RLBP1: variants seen among roughly 807,000 people sequenced by gnomAD.
RLBP1 encodes the protein retinaldehyde-binding protein 1.
A neutral mutation model predicts 36.2 loss-of-function variants in RLBP1; 26 were observed. The observed-to-expected ratio is 0.72, with a 90% CI of 0.53 to 1.00. The LOEUF (loss-of-function observed/expected upper bound fraction) is 1.00, where lower values mean the gene tolerates loss of function less well. RLBP1 is among the 50% of genes least tolerant of loss of function. The pLI is 0.00. For synonymous variants in RLBP1, 155 were observed against 156.2 expected (o/e 0.99, Z 0.06); for missense variants, 410 against 402.4 (o/e 1.02, Z -0.16).
At chr15:89,221,070 C>A (rs568691597) in intron 1 of RLBP1, among the ~76,000 whole-genome samples, 2 of 141,640 alleles carry the variant, frequency 1.4e-5, no homozygotes, top group East Asian at 2.1e-4. Flanking sequence ...TGCAATGGTG[C>A]GATCTCAGCT....
rs2051535959 is a variant in RLBP1, at chr15:89,211,264, C to A, written c.685-455G>T. 6.6e-6 allele frequency among the ~76,000 whole-genome samples: 1 copy of A among 152,046 alleles called. No homozygotes were observed. The highest frequency in any genetic ancestry group is 2.1e-4 in the South Asian group (1 of 4,816). The stretch of plus-strand genomic sequence containing the variant: ...AATACACAGAGCAGATCTAAGATGG[C>A]TCTAAGAAAGGACTCCTGACATGTC... On this transcript the variant is annotated intron_variant, in intron 7 of 8. Coordinates refer to ENST00000268125, the MANE Select transcript of RLBP1 (RefSeq NM_000326.5). The surrounding 1 kb of genome is among the most constrained non-coding windows in gnomAD (Gnocchi z 5.8).
chr15:89,213,117 A>C (rs978578288), intron 6 of RLBP1, among the ~76,000 whole-genome samples: 11 of 152,222 alleles, frequency 7.2e-5, no homozygotes, highest in Non-Finnish European at 1.5e-5. Flanking sequence ...TAATACACAC[A>C]GATAGGCAGG....
Position 89,218,656 on chromosome 15 carries a change from T to A in RLBP1, c.50A>T (p.Glu17Val). ...TFRMVPEEEQ[E>V]LRAQLEQLTT... ...GAGCTGCTCCAGTTGGGCACGGAGCTCCTGTTCCTCTTCAGGTACCATGCG... is the reference window on the plus strand; with the variant it reads ...GAGCTGCTCCAGTTGGGCACGGAGCACCTGTTCCTCTTCAGGTACCATGCG... Residue 17 changes from glutamate (E) to valine (V), a missense_variant, in exon 4 of 9, where the codon GAG becomes GTG. By Grantham distance (121) the Glu-to-Val change is moderately radical. Coordinates refer to ENST00000268125, the MANE Select transcript of RLBP1 (RefSeq NM_000326.5). This position sits in a 1 kb window ranked among gnomAD's most constrained non-coding sequence, Gnocchi z 4.6. The A allele has an allele frequency of 2.5e-6, 4 of 1,614,194 alleles. No individual in the cohort carries two copies. The highest frequency in any genetic ancestry group is 3.4e-6 in the Non-Finnish European group (4 of 1,180,046).
rs896116625 is a variant in RLBP1, at chr15:89,211,428, G to A, written c.684+315C>T. On this transcript the variant is annotated intron_variant, in intron 7 of 8. Transcript: ENST00000268125. The surrounding 1 kb of genome is among the most constrained non-coding windows in gnomAD (Gnocchi z 5.8). ...GTCAGAAGATGCAGGTTCAAGTCTG[G>A]CCTCTGCCGCTTTATTGCTGTGTGA... Among the ~76,000 whole-genome samples, 18 of 152,232 alleles carry A rather than the reference G, an allele frequency of 1.2e-4. No homozygotes were observed. The highest frequency in any genetic ancestry group is 4.3e-4 in the African/African-American group (18 of 41,460).
chr15:89,220,424 G>A (rs2051616798), intron 1 of RLBP1, among the ~76,000 whole-genome samples: 1 of 152,156 alleles, frequency 6.6e-6, no homozygotes, highest in Non-Finnish European at 1.5e-5. Flanking sequence ...CTGTTCTAAA[G>A]CATAGTTCCC....
intron 1 of RLBP1, among the ~76,000 whole-genome samples, chr15:89,220,532 C>T (rs1312856261): frequency 6.6e-6 from 1 of 152,198 alleles, no homozygotes; most frequent in Admixed American, 6.5e-5. Flanking sequence ...ATTTCCTGCT[C>T]TTTCCACTCC....
In RLBP1 at chr15:89,214,248, C is replaced by G. The variant is rs1444314155; in HGVS notation, c.525+812G>C. Among the ~76,000 whole-genome samples, 3 of 151,990 alleles carry G rather than the reference C, an allele frequency of 2.0e-5. No individual in the cohort carries two copies. The highest frequency in any genetic ancestry group is 4.4e-5 in the Non-Finnish European group (3 of 67,996). ...GGCCGAGGTGGGCGGATCACTTGAG[C>G]TCAGGAGTTTGAGACCAGCCTGGCC... On this transcript the variant is annotated intron_variant, in intron 6 of 8. Coordinates refer to ENST00000268125, the MANE Select transcript of RLBP1 (RefSeq NM_000326.5). This position sits in a 1 kb window ranked among gnomAD's most constrained non-coding sequence, Gnocchi z 4.6.
At chr15:89,221,003 CTTTTT>C (rs562626834) in intron 1 of RLBP1, among the ~76,000 whole-genome samples, 3 of 129,280 alleles carry the variant, frequency 2.3e-5, no homozygotes, top group East Asian at 2.3e-4. Flanking sequence ...TAAATGTGAA[CTTTTT>C]TTTTTTTTTT....
rs771231037 is a variant in RLBP1, at chr15:89,217,205, C to T, written c.261G>A (p.Arg87=). 1.2e-6 allele frequency: 2 copies of T among 1,613,658 alleles called. No individual in the cohort carries two copies. The highest frequency in any genetic ancestry group is 1.7e-6 in the Non-Finnish European group (2 of 1,180,018). ...AGAAGCCGCTGTCCTTCTCTTGCAC[C>T]CTCTCCGCCACGGCCACCGCCAGCT... ...GEELAVAVAE[R]VQEKDSGFFL... The change falls in exon 5 of 9, where the codon AGG becomes AGA. Residue 87 remains arginine, a synonymous_variant. Coordinates refer to ENST00000268125, the MANE Select transcript of RLBP1 (RefSeq NM_000326.5).
chr15:89,210,934 A>G lies in RLBP1; in HGVS notation c.685-125T>C. On this transcript the variant is annotated intron_variant, in intron 7 of 8. Coordinates refer to ENST00000268125, the MANE Select transcript of RLBP1 (RefSeq NM_000326.5). This position sits in a 1 kb window ranked among gnomAD's most constrained non-coding sequence, Gnocchi z 4.7. ...GTCCAGCATCACAGGGCTGCCCTGG[A>G]GAAGGGCCCACTGAAGGTCCTATTT... 1 of 665,678 alleles carries G rather than the reference A, an allele frequency of 1.5e-6. No individual in the cohort carries two copies. The highest frequency in any genetic ancestry group is 2.7e-6 in the Non-Finnish European group (1 of 370,022). The allele number at this position is 665,678 out of a possible 1,614,324, so 41.2% of individuals were successfully genotyped here. A position where few individuals can be genotyped will look rare whatever the true frequency, so the allele number is the denominator to read the frequency against.
chr15:89,211,914 G>C lies in RLBP1; in HGVS notation c.526-13C>G. 1 of 1,614,040 alleles carries C rather than the reference G, an allele frequency of 6.2e-7. No homozygotes were observed. The highest frequency in any genetic ancestry group is 8.5e-7 in the Non-Finnish European group (1 of 1,179,982). On this transcript the variant is annotated splice_polypyrimidine_tract_variant and intron_variant, in intron 6 of 8. Coordinates refer to ENST00000268125, the MANE Select transcript of RLBP1 (RefSeq NM_000326.5). This position sits in a 1 kb window ranked among gnomAD's most constrained non-coding sequence, Gnocchi z 5.8. The stretch of plus-strand genomic sequence containing the variant: ...ATGCCTGCAAGATCTTGGGCACAGA[G>C]AGAACAGGCTGTAAGATCTAACCCG...
chr15:89,211,719 G>A lies in RLBP1; in HGVS notation c.684+24C>T, dbSNP rs370364560. 160 of 1,612,110 alleles carry A rather than the reference G, an allele frequency of 9.9e-5. No homozygotes were observed. Among genetic ancestry groups the A allele is most frequent in the Middle Eastern group, 2.0e-4 (1 of 5,066 alleles). ...GCCTCCCCAGCTGTGGGAGGCTGCC[G>A]TGCGACAGAACTCTAAGCCTCACCT... On this transcript the variant is annotated intron_variant, in intron 7 of 8. Coordinates refer to ENST00000268125, the MANE Select transcript of RLBP1 (RefSeq NM_000326.5). This position sits in a 1 kb window ranked among gnomAD's most constrained non-coding sequence, Gnocchi z 5.8.
intron 6 of RLBP1, among the ~76,000 whole-genome samples, 172 bp from the exon 7 acceptor site, chr15:89,212,073 C>A (rs1351773264): frequency 2.0e-5 from 3 of 152,158 alleles, no homozygotes; most frequent in African/African-American, 7.2e-5. Flanking sequence ...GTTCAAATGT[C>A]ACATCCATGC....
chr15:89,218,879 T>C lies in RLBP1; in HGVS notation c.12+85A>G. 3 of 1,544,336 alleles carry C rather than the reference T, an allele frequency of 1.9e-6. No homozygotes were observed. The highest frequency in any genetic ancestry group is 2.7e-6 in the Non-Finnish European group (3 of 1,122,238). ...CTATATTCCCGGGCAGAGCATAAGATAGAGAAGTAAGGAGGGAGGGAGAGG... is the reference window on the plus strand; with the variant it reads ...CTATATTCCCGGGCAGAGCATAAGACAGAGAAGTAAGGAGGGAGGGAGAGG... On this transcript the variant is annotated intron_variant, in intron 3 of 8. Coordinates refer to ENST00000268125, the MANE Select transcript of RLBP1 (RefSeq NM_000326.5). The surrounding 1 kb of genome is among the most constrained non-coding windows in gnomAD (Gnocchi z 4.6).
Position 89,210,715 on chromosome 15 carries a change from C to G in RLBP1, c.779G>C (p.Ser260Thr), listed in dbSNP as rs774546810. Residue 260 changes from serine (S) to threonine (T), a missense_variant, in exon 8 of 9, where the codon AGC (serine) becomes ACC (threonine). Physicochemically the swap from Ser to Thr is moderately conservative, Grantham distance 58 (BLOSUM62 1). Transcript: ENST00000268125. The surrounding 1 kb of genome is among the most constrained non-coding windows in gnomAD (Gnocchi z 4.7). ...CGTACTCACCCTCTCAAGCAGCTTG[C>G]TCTTCAAGAAGGGCTTGACCACATT... Reference protein sequence around the residue: ...TYNVVKPFLKSKLLERVFVHG... With the variant: ...TYNVVKPFLKTKLLERVFVHG... 6.3e-7 allele frequency: 1 copy of G among 1,597,388 alleles called. No homozygotes were observed. The highest frequency in any genetic ancestry group is 1.7e-5 in the Admixed American group (1 of 58,146).
At position 89,210,234 on chromosome 15, in the gene RLBP1, TGAG is replaced by T. The variant is rs1284774256; in HGVS notation, c.*48_*50del. 5 of 1,606,776 alleles carry T rather than the reference TGAG, an allele frequency of 3.1e-6. No homozygotes were observed. Among genetic ancestry groups the T allele is most frequent in the Admixed American group, 3.3e-5 (2 of 60,010 alleles). On this transcript the variant is annotated 3_prime_UTR_variant, in exon 9 of 9. Coordinates refer to ENST00000268125, the MANE Select transcript of RLBP1 (RefSeq NM_000326.5). This position sits in a 1 kb window ranked among gnomAD's most constrained non-coding sequence, Gnocchi z 4.7. Reference sequence around the variant, plus strand: ...TTCCTAGCCTTGGGTCCAGGACAGTTGAGGAGAGGCCCAGAGATTCTAACTACA... The same window carrying T: ...TTCCTAGCCTTGGGTCCAGGACAGTTGAGAGGCCCAGAGATTCTAACTACA...
At chr15:89,215,352 T>A in intron 5 of RLBP1, 114 bp from the exon 6 acceptor site, 1 of 987,652 alleles carries the variant, frequency 1.0e-6, no homozygotes, top group Non-Finnish European at 1.5e-6. Flanking sequence ...GTGACCGAGC[T>A]GGCTACTCAA....
chr15:89,217,137 G>A lies in RLBP1; in HGVS notation c.329C>T (p.Ala110Val), dbSNP rs1193488428. The A allele has an allele frequency of 1.9e-6, 3 of 1,614,006 alleles. No individual in the cohort carries two copies. Among genetic ancestry groups the A allele is most frequent in the East Asian group, 2.2e-5 (1 of 44,872 alleles). ...GGCCTCACCTCTGAGCAGCTCATAG[G>A]CACGGCCCACGTTGAACTTCCGTGC... The part of the protein sequence containing the change: ...IRARKFNVGR[A>V]YELLRGYVNF... Residue 110 changes from alanine (A) to valine (V), a missense_variant, in exon 5 of 9, where the codon GCC (alanine) becomes GTC (valine). Transcript: ENST00000268125.
At chr15:89,212,045 T>A in intron 6 of RLBP1, 144 bp from the exon 7 acceptor site, 2 of 860,290 alleles carry the variant, frequency 2.3e-6, no homozygotes, top group Non-Finnish European at 3.8e-6. Flanking sequence ...CTTCTGTGAA[T>A]GTATACCAAG....
Sources: gnomAD v4.1 joint callset for allele counts (sites outside exome capture counted in the v4.1 genomes callset) on GRCh38, gnomAD v4.1.1 for gene constraint, Gnocchi (gnomAD v3.1) non-coding constraint, MANE v1.5 for transcripts, NCBI Gene and HGNC (gene_info 2026-07-23, HGNC 2026-07-21) for gene names.